RBFOX3: variants seen among roughly 807,000 people sequenced by gnomAD.
RBFOX3 encodes the protein RNA binding protein fox-1 homolog 3.
A neutral mutation model predicts 48.7 loss-of-function variants in RBFOX3; 17 were observed. That is an observed-to-expected ratio of 0.35 (90% CI 0.24 to 0.52). The LOEUF (loss-of-function observed/expected upper bound fraction) is 0.52, where lower values mean the gene tolerates loss of function less well. RBFOX3 is among the 20% of genes least tolerant of loss of function. The probability of loss-of-function intolerance (pLI) is 0.94; values close to 1 mark genes in which losing one functional copy is unlikely to be tolerated. For synonymous variants in RBFOX3, 212 were observed against 209.5 expected, an observed-to-expected ratio of 1.01 and a Z score of -0.10; for missense variants, 382 against 497.5, an observed-to-expected ratio of 0.77 and a Z score of 2.21.
intron 3 of RBFOX3, among the ~76,000 whole-genome samples, chr17:79,274,714 G>A (rs1036970623): frequency 9.9e-5 from 15 of 152,044 alleles, no homozygotes; most frequent in Non-Finnish European, 1.3e-4. Context: ...CTCACTCCCC[G>A]CTACTGGCCC....
At chr17:79,175,473 G>A (rs1180084197) in intron 4 of RBFOX3, among the ~76,000 whole-genome samples, 1 of 152,384 alleles carries the variant, frequency 6.6e-6, no homozygotes, top group East Asian at 1.9e-4. Flanking sequence ...ATCTCCCGGT[G>A]TGGGCACTGG....
intron 4 of RBFOX3, among the ~76,000 whole-genome samples, chr17:79,155,145 T>G (rs920686440): frequency 6.6e-6 from 1 of 152,232 alleles, no homozygotes; most frequent in African/African-American, 2.4e-5. Context: ...TATGTTGAAG[T>G]GGCCAGCTAG....
At chr17:79,654,589 C>G in the RBFOX3 span, among the ~76,000 whole-genome samples, 1 of 152,268 alleles carries the variant, frequency 6.6e-6, no homozygotes, top group South Asian at 2.1e-4. Flanking sequence ...GGTACAAGCC[C>G]CTCGGTGTAA....
At chr17:79,109,791 CCG>C (rs534136373) in intron 5 of RBFOX3, among the ~76,000 whole-genome samples, 179 of 152,248 alleles carry the variant, frequency 1.2e-3, no homozygotes, top group African/African-American at 4.0e-3. Flanking sequence ...GGAACCAGCC[CCG>C]CGCCCACCCA....
the RBFOX3 span, among the ~76,000 whole-genome samples, chr17:79,659,281 C>A: frequency 6.6e-6 from 1 of 152,296 alleles, no homozygotes; most frequent in African/African-American, 2.4e-5. Context: ...TTGGTGAACA[C>A]AGGCATTGTC....
chr17:79,432,605 A>T (rs2068665840), intron 2 of RBFOX3, among the ~76,000 whole-genome samples: 1 of 152,216 alleles, frequency 6.6e-6, no homozygotes, highest in African/African-American at 2.4e-5. Context: ...TAATTTGTTA[A>T]TTATTCTTCC....
intron 1 of RBFOX3, among the ~76,000 whole-genome samples, chr17:79,577,460 T>C (rs1351428889): frequency 6.6e-6 from 1 of 152,222 alleles, no homozygotes; most frequent in Non-Finnish European, 1.5e-5. Context: ...ATGTCAAAAA[T>C]GTCTCTAAGC....
intron 3 of RBFOX3, among the ~76,000 whole-genome samples, chr17:79,250,529 G>A (rs1217842750): frequency 1.3e-5 from 2 of 152,198 alleles, no homozygotes; most frequent in Non-Finnish European, 2.9e-5. Flanking sequence ...GCGTGGGCAG[G>A]AGCACCATGC....
rs1215726195 is a variant in RBFOX3, at chr17:79,473,205, A to C, written c.-175+9249T>G. On this transcript the variant is annotated intron_variant, in intron 2 of 14. Transcript: ENST00000693108. This position sits in a 1 kb window ranked among gnomAD's most constrained non-coding sequence, Gnocchi z 4.2. ...GCTTCTGTACTCAGTTGCAGGGATC[A>C]GGAGCAGCACCTCACGGGCTGGCAC... Among the ~76,000 whole-genome samples, 2 of 152,268 alleles carry C rather than the reference A, an allele frequency of 1.3e-5. No individual in the cohort carries two copies. Among genetic ancestry groups the C allele is most frequent in the Non-Finnish European group, 2.9e-5 (2 of 68,046 alleles).
intron 1 of RBFOX3, among the ~76,000 whole-genome samples, chr17:79,506,902 C>CA (rs1221253165): frequency 2.6e-5 from 4 of 152,234 alleles, no homozygotes; most frequent in African/African-American, 9.6e-5. Flanking sequence ...GTTCTAGAGA[C>CA]AAAGCCTCTA....
chr17:79,382,884 C>T (rs1207981223), intron 2 of RBFOX3, among the ~76,000 whole-genome samples: 1 of 152,160 alleles, frequency 6.6e-6, no homozygotes, highest in African/African-American at 2.4e-5. Flanking sequence ...CCTTGCTGAC[C>T]TCTTAATGAG....
chr17:79,471,289 G>A lies in RBFOX3; in HGVS notation c.-175+11165C>T, dbSNP rs574493839. ...TGACCAGCACTGGCCAGGGTGCGAC[G>A]CTTGGGGTATTCGCAGGGAAATGAG... On this transcript the variant is annotated intron_variant, in intron 2 of 14. Coordinates refer to ENST00000693108, the MANE Select transcript of RBFOX3 (RefSeq NM_001350451.2). This position sits in a 1 kb window ranked among gnomAD's most constrained non-coding sequence, Gnocchi z 4.0. 1.3e-5 allele frequency among the ~76,000 whole-genome samples: 2 copies of A among 152,240 alleles called. No homozygotes were observed. Among genetic ancestry groups the A allele is most frequent in the East Asian group, 1.9e-4 (1 of 5,166 alleles).
chr17:79,564,551 C>T (rs1278270211), intron 1 of RBFOX3, among the ~76,000 whole-genome samples: 1 of 152,154 alleles, frequency 6.6e-6, no homozygotes, highest in Non-Finnish European at 1.5e-5. Context: ...CCCAGGAATT[C>T]TACTTCTAGG....
chr17:79,463,221 C>A (rs1274951722), intron 2 of RBFOX3, among the ~76,000 whole-genome samples: 3 of 125,440 alleles, frequency 2.4e-5, no homozygotes, highest in African/African-American at 8.1e-5. Flanking sequence ...ACCTCCACTG[C>A]CATCGCCACT....
At chr17:79,369,704 C>T (rs1568125502) in intron 2 of RBFOX3, among the ~76,000 whole-genome samples, 2 of 152,150 alleles carry the variant, frequency 1.3e-5, no homozygotes, top group Non-Finnish European at 2.9e-5. Context: ...CTGTTGCCTC[C>T]CCTCTCCCTA....
the RBFOX3 span, among the ~76,000 whole-genome samples, chr17:79,647,244 G>A: frequency 2.6e-5 from 4 of 151,982 alleles, no homozygotes; most frequent in African/African-American, 7.3e-5. Flanking sequence ...CACCGGTGTC[G>A]CCTGCAGAAA....
At chr17:79,393,622 C>T (rs539728430) in intron 2 of RBFOX3, among the ~76,000 whole-genome samples, 9 of 151,954 alleles carry the variant, frequency 5.9e-5, no homozygotes, top group African/African-American at 4.8e-5. Context: ...ACATCGGAGC[C>T]GGTCATCAAT....
intron 2 of RBFOX3, among the ~76,000 whole-genome samples, chr17:79,370,849 T>C (rs2058440059): frequency 6.6e-6 from 1 of 152,226 alleles, no homozygotes; most frequent in African/African-American, 2.4e-5. Flanking sequence ...CACAGGCACA[T>C]GCACACACAT....
chr17:79,356,370 T>TTTTTTTTTG (rs2085082514), intron 2 of RBFOX3, among the ~76,000 whole-genome samples: 1 of 124,182 alleles, frequency 8.1e-6, no homozygotes, highest in Non-Finnish European at 1.7e-5. Flanking sequence ...TTTTTTTTTT[T>TTTTTTTTTG]TTTTTTTTTT....
Sources: gnomAD v4.1 joint callset for allele counts (sites outside exome capture counted in the v4.1 genomes callset) on GRCh38, gnomAD v4.1.1 for gene constraint, Gnocchi (gnomAD v3.1) non-coding constraint, MANE v1.5 for transcripts, NCBI Gene and HGNC (gene_info 2026-07-23, HGNC 2026-07-21) for gene names.